Variants in KANSL1 observed in about 807,000 individuals in gnomAD.
The protein encoded by KANSL1 is KAT8 regulatory NSL complex subunit 1.
A neutral mutation model predicts 103.6 loss-of-function variants in KANSL1; 22 were observed. The ratio of observed to expected loss-of-function variants is 0.21; its 90% confidence interval spans 0.15 to 0.30. The LOEUF is 0.30. Ranked by LOEUF, KANSL1 falls within the 10% of genes least tolerant of loss-of-function variation. KANSL1 has a pLI of 1.00. For synonymous variants in KANSL1, 600 were observed against 527.6 expected (o/e 1.14, Z -1.88); for missense variants, 1,337 against 1,399.8 (o/e 0.96, Z 0.72).
chr17:46,100,423 CAG>C (rs1241056056), intron 2 of KANSL1, among the ~76,000 whole-genome samples: 2 of 138,038 alleles, frequency 1.4e-5, no homozygotes, highest in Admixed American at 8.3e-5. Context: ...GCCTGTACAA[CAG>C]AGTGAGACTC....
chr17:46,110,118 C>A (rs1249931567), intron 2 of KANSL1, among the ~76,000 whole-genome samples: 2 of 152,252 alleles, frequency 1.3e-5, no homozygotes, highest in East Asian at 1.9e-4. Flanking sequence ...AGCTTTCTGG[C>A]AATACTCATC....
In KANSL1 at chr17:46,132,550, A is replaced by T. The variant is rs558119144; in HGVS notation, c.1290-37849T>A. On this transcript the variant is annotated intron_variant, in intron 2 of 14. Transcript: ENST00000432791. ...AGACCCACTGAATCATAAATTATCA[A>T]ATCTGCGCCCAGTAATCTGTGTTTT... Among the ~76,000 whole-genome samples the T allele has an allele frequency of 2.6e-5, 4 of 152,282 alleles. No individual in the cohort carries two copies. The South Asian group carries it at 8.3e-4, about 32-fold the overall frequency.
chr17:46,088,695 G>A (rs1234660111), intron 3 of KANSL1: 3 of 152,020 alleles, frequency 2.0e-5, no homozygotes, highest in Admixed American at 6.6e-5. Context: ...ACAACACAGC[G>A]AGACCCCATC....
intron 4 of KANSL1, among the ~76,000 whole-genome samples, chr17:46,070,076 C>T (rs1053819537): frequency 1.3e-5 from 2 of 152,174 alleles, no homozygotes; most frequent in Admixed American, 6.5e-5. Context: ...AAGGATATTC[C>T]TATCTTCTGA....
chr17:46,133,726 T>C (rs2043983277), intron 2 of KANSL1, among the ~76,000 whole-genome samples: 1 of 152,200 alleles, frequency 6.6e-6, no homozygotes. Flanking sequence ...TTCAGGTAAC[T>C]GAAAGTGGAG....
chr17:46,116,416 T>C (rs982736503), intron 2 of KANSL1, among the ~76,000 whole-genome samples: 1 of 152,026 alleles, frequency 6.6e-6, no homozygotes, highest in Non-Finnish European at 1.5e-5. Flanking sequence ...TGTACTCCCA[T>C]CTACTAGGCA....
intron 4 of KANSL1, among the ~76,000 whole-genome samples, chr17:46,081,385 A>T (rs1490903460): frequency 2.6e-5 from 4 of 152,242 alleles, no homozygotes; most frequent in Non-Finnish European, 4.4e-5. Context: ...TTAATAACTT[A>T]AAAAAGATCT....
rs370228621 is a variant in KANSL1 at position 46,139,493 on chromosome 17, C to T, written c.1289+31362G>A. Among the ~76,000 whole-genome samples, 87 of 152,306 alleles carry T rather than the reference C, an allele frequency of 5.7e-4. No homozygotes were observed. In the South Asian group the frequency reaches 0.017, roughly 30 times the overall value. ...GCCACTACTCACCCATCTAAATGTG[C>T]ACATGTGTACTCAAGCATTCAATGA... On this transcript the variant is annotated intron_variant, in intron 2 of 14. Coordinates refer to ENST00000432791, the MANE Select transcript of KANSL1 (RefSeq NM_015443.4).
At chr17:46,105,906 GACACACACACACAC>G (rs773000790) in intron 2 of KANSL1, among the ~76,000 whole-genome samples, 11 of 95,180 alleles carry the variant, frequency 1.2e-4, no homozygotes, top group African/African-American at 4.6e-4. Context: ...GCAAGGCCTT[GACACACACACACAC>G]ACACACACAC....
At chr17:46,179,930 G>A (rs1266418943) in intron 1 of KANSL1, among the ~76,000 whole-genome samples, 1 of 151,916 alleles carries the variant, frequency 6.6e-6, no homozygotes, top group African/African-American at 2.4e-5. Flanking sequence ...CGGGTGTGGA[G>A]GCGCGCACCT....
chr17:46,099,900 T>C (rs2042236921), intron 2 of KANSL1, among the ~76,000 whole-genome samples: 1 of 152,202 alleles, frequency 6.6e-6, no homozygotes, highest in Admixed American at 6.5e-5. Flanking sequence ...AAATGTTACA[T>C]GATGAATTAC....
chr17:46,163,891 ACTTGT>A (rs1282118615), intron 2 of KANSL1, among the ~76,000 whole-genome samples: 1 of 152,172 alleles, frequency 6.6e-6, no homozygotes, highest in African/African-American at 2.4e-5. Flanking sequence ...ATACCTTTCA[ACTTGT>A]CTTCTCTGTG....
At position 46,096,311 on chromosome 17, in the gene KANSL1, C is replaced by CTTTCTTTCTTTCTTTTTTTTTTTTTT. The variant is rs753073992; in HGVS notation, c.1290-1611_1290-1610insAAAAAAAAAAAAAAGAAAGAAAGAAA. 5.0e-4 allele frequency among the ~76,000 whole-genome samples: 38 copies of CTTTCTTTCTTTCTTTTTTTTTTTTTT among 76,380 alleles called. 1 individual carries two copies. Among genetic ancestry groups the CTTTCTTTCTTTCTTTTTTTTTTTTTT allele is most frequent in the Non-Finnish European group, 8.6e-4 (35 of 40,666 alleles). 50.1% of individuals were successfully genotyped at this position (76,380 alleles called of 152,430 possible). A position where few individuals can be genotyped will look rare whatever the true frequency, so the allele number is the denominator to read the frequency against. On this transcript the variant is annotated intron_variant, in intron 2 of 14. Coordinates refer to ENST00000432791, the MANE Select transcript of KANSL1 (RefSeq NM_015443.4). ...CATACTACATACCTGGCTTTTTTTT[C>CTTTCTTTCTTTCTTTTTTTTTTTTTT]TTTTTTTTTTTTTTTTTTTTTGAGA... is the stretch of plus-strand genomic sequence containing the variant.
chr17:46,186,643 GGTCTTCAAAGAGCTTCA>G (rs1567783214), intron 1 of KANSL1, among the ~76,000 whole-genome samples: 1 of 152,226 alleles, frequency 6.6e-6, no homozygotes, highest in Non-Finnish European at 1.5e-5. Flanking sequence ...ACATGCTTAA[GGTCTTCAAAGAGCTTCA>G]GTTCTCCATG....
Position 46,038,684 on chromosome 17 carries a change from A to C in KANSL1, c.2395T>G (p.Leu799Val). 1 of 1,614,186 alleles carries C rather than the reference A, an allele frequency of 6.2e-7. No homozygotes were observed. The highest frequency in any genetic ancestry group is 2.2e-5 in the East Asian group (1 of 44,892). The change falls in exon 10 of 15, where the codon TTG (leucine) becomes GTG (valine). Residue 799 changes from leucine (L) to valine (V), a missense_variant and splice_region_variant. Transcript: ENST00000432791. ...CTGCTCATGTCTGTGTGATGCTTCA[A>C]CACTGCAGAAGTCAACAGAAAAGAG... ...RDHSSERSEV[L>V]KHHTDMSSSS...
chr17:46,069,410 A>T (rs1338973747), intron 4 of KANSL1, among the ~76,000 whole-genome samples: 1 of 152,218 alleles, frequency 6.6e-6, no homozygotes, highest in Non-Finnish European at 1.5e-5. Context: ...ATAAAACACC[A>T]AAGGACTGAA....
chr17:46,224,752 G>C, upstream of KANSL1: 1 of 147,272 alleles, frequency 6.8e-6, no homozygotes, highest in East Asian at 2.1e-4. Context: ...GCGGAGAGGC[G>C]AGAGCCCGAG....
At chr17:46,071,681 T>C (rs946464058) in intron 4 of KANSL1, among the ~76,000 whole-genome samples, 2 of 152,202 alleles carry the variant, frequency 1.3e-5, no homozygotes, top group Admixed American at 1.3e-4. Context: ...TTTAGAAAAC[T>C]AAAGCATGAC....
intron 2 of KANSL1, among the ~76,000 whole-genome samples, chr17:46,107,432 T>C (rs1271783686): frequency 6.6e-6 from 1 of 150,970 alleles, no homozygotes; most frequent in African/African-American, 2.4e-5. Context: ...TTACCACCCT[T>C]GATCCATCAC....
Sources: gnomAD v4.1 joint callset for allele counts (sites outside exome capture counted in the v4.1 genomes callset) on GRCh38, gnomAD v4.1.1 for gene constraint, MANE v1.5 for transcripts, NCBI Gene and HGNC (gene_info 2026-07-23, HGNC 2026-07-21) for gene names.